Variants in SPATC1L observed in about 807,000 individuals in gnomAD.
The protein encoded by SPATC1L is spermatogenesis and centriole associated 1 like, also known as speriolin-like protein.
A neutral mutation model predicts 21.2 loss-of-function variants in SPATC1L; 20 were observed. The observed-to-expected ratio is 0.94, with a 90% CI of 0.66 to 1.37. The LOEUF is 1.37. SPATC1L is among the 40% of genes most tolerant of loss of function. The pLI is 0.00. For missense variants in SPATC1L, 499 were observed against 478.7 expected (o/e 1.04, Z -0.40); for synonymous variants, 290 against 234.5 (o/e 1.24, Z -2.16).
intron 3 of SPATC1L, among the ~76,000 whole-genome samples, chr21:46,164,800 A>G (rs1170319222): frequency 2.6e-5 from 4 of 151,464 alleles, no homozygotes; most frequent in Admixed American, 6.6e-5. Context: ...TCAAGAAAAA[A>G]AAAAAAAAAA....
chr21:46,182,926 C>T lies in SPATC1L; in HGVS notation c.-110G>A. 1 of 1,094,492 alleles carries T rather than the reference C, an allele frequency of 9.1e-7. No individual in the cohort carries two copies. Among genetic ancestry groups the T allele is most frequent in the Non-Finnish European group, 1.3e-6 (1 of 793,732 alleles). 67.8% of individuals were successfully genotyped at this position (1,094,492 alleles called of 1,614,324 possible). A position where few individuals can be genotyped will look rare whatever the true frequency, so the allele number is the denominator to read the frequency against. ...GCCCAGGCACGGAGTTCCGTAGCCACCACCGCCTTCCACGCCTTGTGATGT... is the reference window on the plus strand; with the variant it reads ...GCCCAGGCACGGAGTTCCGTAGCCATCACCGCCTTCCACGCCTTGTGATGT... On this transcript the variant is annotated 5_prime_UTR_variant, in exon 2 of 5. It adds an upstream start codon to the 5' untranslated region. Coordinates refer to ENST00000291672, the MANE Select transcript of SPATC1L (RefSeq NM_001142854.2).
chr21:46,177,192 A>G (rs1454349690), intron 2 of SPATC1L, among the ~76,000 whole-genome samples: 2 of 152,238 alleles, frequency 1.3e-5, no homozygotes, highest in Non-Finnish European at 2.9e-5. Flanking sequence ...ACCATTCAGA[A>G]CATAGGGATG....
At chr21:46,168,087 A>C (rs2079553312) in intron 3 of SPATC1L, among the ~76,000 whole-genome samples, 1 of 152,192 alleles carries the variant, frequency 6.6e-6, no homozygotes, top group Non-Finnish European at 1.5e-5. Flanking sequence ...AACTCTCACA[A>C]CTTCCCAAGA....
chr21:46,165,831 T>C (rs2079536541), intron 3 of SPATC1L, among the ~76,000 whole-genome samples: 1 of 152,242 alleles, frequency 6.6e-6, no homozygotes, highest in Non-Finnish European at 1.5e-5. Flanking sequence ...CTTTATCGAA[T>C]TATTTGTCTC....
intron 2 of SPATC1L, among the ~76,000 whole-genome samples, chr21:46,181,270 G>A (rs1272914107): frequency 2.6e-5 from 4 of 152,188 alleles, no homozygotes; most frequent in African/African-American, 7.2e-5. Context: ...TGTGGTGAGC[G>A]TGGGGCTCAG....
intron 2 of SPATC1L, among the ~76,000 whole-genome samples, chr21:46,171,506 C>T (rs899424006): frequency 2.0e-5 from 3 of 151,898 alleles, no homozygotes; most frequent in African/African-American, 4.8e-5. Context: ...AAAAAAAGTT[C>T]GAAAGAAGCA....
At chr21:46,172,267 G>C (rs2079599567) in intron 2 of SPATC1L, among the ~76,000 whole-genome samples, 1 of 151,874 alleles carries the variant, frequency 6.6e-6, no homozygotes, top group African/African-American at 2.4e-5. Flanking sequence ...TGGGGGTGGA[G>C]AGCATGAGGC....
intron 2 of SPATC1L, among the ~76,000 whole-genome samples, chr21:46,182,055 A>G (rs926274569): frequency 6.6e-6 from 1 of 152,016 alleles, no homozygotes; most frequent in Non-Finnish European, 1.5e-5. Flanking sequence ...ATGGCTCCAC[A>G]CTCCCAGCCC....
Position 46,168,439 on chromosome 21 carries a change from C to T in SPATC1L, c.413G>A (p.Ser138Asn), listed in dbSNP as rs1275067714. ...GTCCACCAGTGAGTCTTGCAAGGGG[C>T]TCAGGAGCGGGGACAGCTTCCTGTC... ...GTDRKLSPLL[S>N]PLQDSLVDKT... is the part of the protein sequence containing the mutation. Residue 138 changes from serine (S) to asparagine (N), a missense_variant, in exon 3 of 5, where the codon AGC becomes AAC. Coordinates refer to ENST00000291672, the MANE Select transcript of SPATC1L (RefSeq NM_001142854.2). The T allele has an allele frequency of 6.2e-7, 1 of 1,609,482 alleles. No individual in the cohort carries two copies. The highest frequency in any genetic ancestry group is 1.1e-5 in the South Asian group (1 of 90,240).
intron 3 of SPATC1L, among the ~76,000 whole-genome samples, chr21:46,164,811 A>AAAAAAAAAG (rs1221326635): frequency 2.0e-5 from 3 of 151,436 alleles, no homozygotes; most frequent in African/African-American, 7.3e-5. Context: ...AAAAAAAAAA[A>AAAAAAAAAG]GAATCAAGCT....
At position 46,184,443 on chromosome 21, in the gene SPATC1L, C is replaced by T. The variant is rs9647242; in HGVS notation, c.-1046G>A. The T allele has an allele frequency of 0.053, 8,626 of 163,368 alleles. 325 individuals carry two copies. The highest frequency in any genetic ancestry group is 0.079 in the Non-Finnish European group (5,876 of 74,050). The allele number at this position is 163,368 out of a possible 1,614,324, so 10.1% of individuals were successfully genotyped here. The stretch of plus-strand genomic sequence containing the variant: ...GTCATCTCATCCTCATGGGAAGGGA[C>T]GTACGGCAGAAAGCACAACCCAGTG... On this transcript the variant is annotated 5_prime_UTR_variant, in exon 1 of 5. Transcript: ENST00000291672.
chr21:46,182,532 T>C, intron 2 of SPATC1L, 92 bp downstream of exon 2: 1 of 1,232,226 alleles, frequency 8.1e-7, no homozygotes, highest in African/African-American at 1.5e-5. Context: ...ACCTCCCGCA[T>C]CAGGGAGCTG....
chr21:46,166,561 C>T (rs1873175580), intron 3 of SPATC1L, among the ~76,000 whole-genome samples: 1 of 151,386 alleles, frequency 6.6e-6, no homozygotes, highest in Non-Finnish European at 1.5e-5. Context: ...AAGACTCACA[C>T]AGACTGAAAA....
intron 2 of SPATC1L, among the ~76,000 whole-genome samples, chr21:46,172,510 T>C (rs1427586496): frequency 6.6e-6 from 1 of 152,238 alleles, no homozygotes; most frequent in Non-Finnish European, 1.5e-5. Flanking sequence ...ATCCAGCCTG[T>C]GCAAACCTCC....
chr21:46,182,480 G>A (rs772974575), intron 2 of SPATC1L, 144 bp downstream of exon 2: 20 of 734,260 alleles, frequency 2.7e-5, no homozygotes, highest in Non-Finnish European at 4.2e-5. Context: ...CCACCACCTG[G>A]TCTTGCTTTA....
rs2079500602 is a variant in SPATC1L at position 46,162,013 on chromosome 21, G to A, written c.599C>T (p.Ala200Val). 1 of 1,600,192 alleles carries A rather than the reference G, an allele frequency of 6.2e-7. No homozygotes were observed. The highest frequency in any genetic ancestry group is 1.1e-5 in the South Asian group (1 of 89,476). Residue 200 changes from alanine (A) to valine (V), a missense_variant, in exon 4 of 5, where the codon GCC (alanine) becomes GTC (valine). By Grantham distance (64) the Ala-to-Val change is moderately conservative. Transcript: ENST00000291672. ...EKDARVVGEI[A>V]FQLDRRILAY... is the part of the protein sequence containing the mutation. The stretch of plus-strand genomic sequence containing the variant: ...CAGGATGCGGCGGTCCAGCTGGAAG[G>A]CGATCTCGCCCACCACGCGCGCGTC...
intron 2 of SPATC1L, 26 bp downstream of exon 2, chr21:46,182,598 G>C: frequency 7.0e-7 from 1 of 1,435,504 alleles, no homozygotes; most frequent in Non-Finnish European, 9.1e-7. Context: ...CATCTACCAG[G>C]CCATCTGAGC....
chr21:46,179,483 AAGAAAAAC>A (rs907325171), intron 2 of SPATC1L, among the ~76,000 whole-genome samples: 36 of 152,352 alleles, frequency 2.4e-4, no homozygotes, highest in African/African-American at 8.4e-4. Flanking sequence ...CCTCAAGGGG[AAGAAAAAC>A]TTTAATTTCA....
rs745365276 is a variant in SPATC1L, at chr21:46,182,722, C to G, written c.95G>C (p.Arg32Pro). ...VRLLKENQML[R>P]RLLSQSCQEG... ...CTGGCAGCTCTGGCTGAGCAGCCGC[C>G]GCAGCATCTGATTCTCCTTCAGGAG... The change falls in exon 2 of 5, where the codon CGG becomes CCG. Residue 32 changes from arginine to proline, a missense_variant. Physicochemically the swap from Arg to Pro is moderately radical, Grantham distance 103. Transcript: ENST00000291672. The G allele has an allele frequency of 6.5e-7, 1 of 1,547,104 alleles. No individual in the cohort carries two copies.
Sources: gnomAD v4.1 joint callset for allele counts (sites outside exome capture counted in the v4.1 genomes callset) on GRCh38, gnomAD v4.1.1 for gene constraint, MANE v1.5 for transcripts, NCBI Gene and HGNC (gene_info 2026-07-23, HGNC 2026-07-21) for gene names.